PROSER1: variants seen among roughly 807,000 people sequenced by gnomAD.
The protein encoded by PROSER1 is proline and serine rich 1.
In PROSER1, 36 loss-of-function variants were observed where a neutral mutation model predicts 71.8. The observed-to-expected ratio is 0.50, with a 90% CI of 0.38 to 0.66. The LOEUF (loss-of-function observed/expected upper bound fraction) is 0.66. Among genes scored for constraint, PROSER1 ranks in the 30% least tolerant of loss-of-function variants. The pLI is 0.00. For synonymous variants in PROSER1, 490 were observed against 452.4 expected, an observed-to-expected ratio of 1.08 and a Z score of -1.06; for missense variants, 1,107 against 1,135.0, an observed-to-expected ratio of 0.98 and a Z score of 0.35.
rs976435138 is a variant in PROSER1, at chr13:39,026,460, G to C, written c.370-73C>G. 2.5e-5 allele frequency: 22 copies of C among 884,464 alleles called. No individual in the cohort carries two copies. In the South Asian group the frequency reaches 3.4e-4, roughly 14 times the overall value. 54.8% of individuals were successfully genotyped at this position (884,464 alleles called of 1,614,324 possible). A position where few individuals can be genotyped will look rare whatever the true frequency, so the allele number is the denominator to read the frequency against. ...AAGTATTCTGAACATTGGGAGCTCA[G>C]CTAAAAAAAACATGAATTAAAGAAC... On this transcript the variant is annotated intron_variant, in intron 5 of 12. Coordinates refer to ENST00000352251, the MANE Select transcript of PROSER1 (RefSeq NM_025138.5).
chr13:39,026,605 AAC>A lies in PROSER1; in HGVS notation c.370-220_370-219del, dbSNP rs1870556586. ...AAAATGGTTAACATAATAATGCTGC[AAC>A]AGACTCATACAAAGAATGTCTTCAC... On this transcript the variant is annotated intron_variant, in intron 5 of 12. Transcript: ENST00000352251. 8 of 438,432 alleles carry A rather than the reference AAC, an allele frequency of 1.8e-5. No homozygotes were observed. The South Asian group carries it at 4.1e-4, about 23-fold the overall frequency. The allele number at this position is 438,432 out of a possible 1,614,324, so 27.2% of individuals were successfully genotyped here. A position where few individuals can be genotyped will look rare whatever the true frequency, so the allele number is the denominator to read the frequency against.
At chr13:39,029,944 A>G (rs186395278) in intron 3 of PROSER1, among the ~76,000 whole-genome samples, 5 of 152,376 alleles carry the variant, frequency 3.3e-5, no homozygotes, top group Admixed American at 1.3e-4. Flanking sequence ...GGAATGTTAC[A>G]TAATTATTTG....
chr13:39,018,498 ACACACAC>A (rs1870122384), intron 9 of PROSER1, among the ~76,000 whole-genome samples: 2 of 151,528 alleles, frequency 1.3e-5, no homozygotes, highest in African/African-American at 4.9e-5. Context: ...ACACACACAC[ACACACAC>A]ACACACACAC....
intron 2 of PROSER1, among the ~76,000 whole-genome samples, chr13:39,033,608 TA>T (rs1405553432): frequency 6.6e-6 from 1 of 152,226 alleles, no homozygotes; most frequent in Admixed American, 6.5e-5. Flanking sequence ...AAACTGCCCC[TA>T]AGGTGGAATG....
chr13:39,025,193 TTAAG>T (rs1223992477), intron 6 of PROSER1, among the ~76,000 whole-genome samples: 1 of 152,144 alleles, frequency 6.6e-6, no homozygotes, highest in Admixed American at 6.5e-5. Context: ...TCTATAAAGA[TTAAG>T]TGTGATTATT....
At position 39,028,294 on chromosome 13, in the gene PROSER1, C is replaced by T. The variant is rs372779033; in HGVS notation, c.302G>A (p.Arg101His). The T allele has an allele frequency of 1.0e-5, 16 of 1,597,962 alleles. No individual in the cohort carries two copies. Among genetic ancestry groups the T allele is most frequent in the South Asian group, 4.4e-5 (4 of 90,540 alleles). The change falls in exon 5 of 13, where the codon CGT (arginine) becomes CAT (histidine). Residue 101 changes from arginine to histidine, a missense_variant. Coordinates refer to ENST00000352251, the MANE Select transcript of PROSER1 (RefSeq NM_025138.5). ...TACCCTGAATAAATCTTCAATAGGACGAGAATTCTGTGCATCAATAATGTT... is the reference window on the plus strand; with the variant it reads ...TACCCTGAATAAATCTTCAATAGGATGAGAATTCTGTGCATCAATAATGTT... ...ASNIIDAQNS[R>H]PIEDLFRVNM...
Position 39,022,324 on chromosome 13 carries a change from A to G in PROSER1, c.730+2T>C. On this transcript the variant is annotated splice_donor_variant, in intron 9 of 12. Transcript: ENST00000352251. LOFTEE classifies it high-confidence loss of function. ...CTTAAACACCCCCAAATAACATTTT[A>G]CCTGTTCCTACAGGATTAGGAGTAT... The G allele has an allele frequency of 6.3e-7, 1 of 1,593,054 alleles. No homozygotes were observed. The highest frequency in any genetic ancestry group is 8.6e-7 in the Non-Finnish European group (1 of 1,160,948).
At position 39,012,771 on chromosome 13, in the gene PROSER1, G is replaced by C. The variant is rs1048693937; in HGVS notation, c.2481C>G (p.Ala827=). The change falls in exon 11 of 13, where the codon GCC becomes GCG. Residue 827 remains alanine, a synonymous_variant. Transcript: ENST00000352251. ...AVTPLPVAAT[A]PSPAPVLPGF... The stretch of plus-strand genomic sequence containing the variant: ...CTGGGAGGACTGGAGCTGGGGATGG[G>C]GCTGTGGCAGCCACAGGTAGTGGTG... 21 of 1,614,078 alleles carry C rather than the reference G, an allele frequency of 1.3e-5. No homozygotes were observed. The highest frequency in any genetic ancestry group is 1.8e-5 in the Non-Finnish European group (21 of 1,179,978).
In PROSER1 at chr13:39,012,217, G is replaced by T. The variant is rs1167694750; in HGVS notation, c.2578C>A (p.Gln860Lys). ...VAQAGLSSGL[Q>K]AAGSSVFPGL... ...GGAAAAACAGAACTGCCTGCAGCTT[G>T]AAGTCCAGATGATAAACTAAAACAA... Residue 860 changes from glutamine to lysine, a missense_variant, in exon 12 of 13, where the codon CAA becomes AAA. Coordinates refer to ENST00000352251, the MANE Select transcript of PROSER1 (RefSeq NM_025138.5). 6.2e-7 allele frequency: 1 copy of T among 1,613,974 alleles called. No homozygotes were observed. Among genetic ancestry groups the T allele is most frequent in the Non-Finnish European group, 8.5e-7 (1 of 1,179,986 alleles).
At chr13:39,028,175 A>G (rs1870633664) in intron 5 of PROSER1, 52 bp downstream of exon 5, 2 of 976,040 alleles carry the variant, frequency 2.0e-6, no homozygotes, top group Non-Finnish European at 3.3e-6. Context: ...TTTCGTCTTC[A>G]ATATTCGGAA....
At chr13:39,032,661 T>C (rs138304450) in intron 2 of PROSER1, among the ~76,000 whole-genome samples, 122 of 152,306 alleles carry the variant, frequency 8.0e-4, no homozygotes, top group Middle Eastern at 6.8e-3. Context: ...GATAAACGTC[T>C]ATGTCCTTAA....
Position 39,024,561 on chromosome 13 carries a change from TAAAAAA to T in PROSER1, c.481-11_481-6del. Reference sequence around the variant, plus strand: ...ATCTTTTTTCAAAGGAGTTCCCTATTAAAAAAAAAAAAAAAAGGTAATTGAAACTTA... The same window carrying T: ...ATCTTTTTTCAAAGGAGTTCCCTATTAAAAAAAAAAGGTAATTGAAACTTA... On this transcript the variant is annotated splice_region_variant and splice_polypyrimidine_tract_variant and intron_variant, in intron 6 of 12. Coordinates refer to ENST00000352251, the MANE Select transcript of PROSER1 (RefSeq NM_025138.5). 7.9e-7 allele frequency: 1 copy of T among 1,269,734 alleles called. No homozygotes were observed. Among genetic ancestry groups the T allele is most frequent in the East Asian group, 2.6e-5 (1 of 37,942 alleles). The allele number at this position is 1,269,734 out of a possible 1,614,324, so 78.7% of individuals were successfully genotyped here.
At chr13:39,031,352 A>C (rs546972552) in intron 3 of PROSER1, among the ~76,000 whole-genome samples, 1 of 152,378 alleles carries the variant, frequency 6.6e-6, no homozygotes, top group Non-Finnish European at 1.5e-5. Flanking sequence ...TTTTCTTCTA[A>C]CTTGCCAATC....
chr13:39,013,144 AAAG>A lies in PROSER1; in HGVS notation c.2105_2107del (p.Ser702del), dbSNP rs773236362. 6.2e-7 allele frequency: 1 copy of A among 1,614,038 alleles called. No individual in the cohort carries two copies. On this transcript the variant is annotated inframe_deletion, in exon 11 of 13. Coordinates refer to ENST00000352251, the MANE Select transcript of PROSER1 (RefSeq NM_025138.5). ...GCCAGTTAAAGGAAAATTGTTGGTCAAAGAAGTAAAAGAAGGAAGAGCAGTGAA... is the reference window on the plus strand; with the variant it reads ...GCCAGTTAAAGGAAAATTGTTGGTCAAAGTAAAAGAAGGAAGAGCAGTGAA...
In PROSER1 at chr13:39,013,780, G is replaced by A. The variant is rs1354170761; in HGVS notation, c.1472C>T (p.Ser491Phe). The A allele has an allele frequency of 1.9e-6, 3 of 1,614,194 alleles. No homozygotes were observed. The highest frequency in any genetic ancestry group is 2.2e-5 in the South Asian group (2 of 91,090). ...TNLINSSALS[S>F]AVTSGLASLS... is the part of the protein sequence containing the mutation. ...TGAAGCCAGCCCACTTGTGACAGCA[G>A]AGGATAAAGCAGAGGAGTTGATTAA... is the stretch of plus-strand genomic sequence containing the variant. The change falls in exon 11 of 13, where the codon TCT becomes TTT. Residue 491 changes from serine to phenylalanine, a missense_variant. Ser to Phe is a radical substitution (Grantham distance 155). Coordinates refer to ENST00000352251, the MANE Select transcript of PROSER1 (RefSeq NM_025138.5).
rs1385437617 is a variant in PROSER1, at chr13:39,037,380, G to A, written c.-138C>T. On this transcript the variant is annotated 5_prime_UTR_variant, in exon 1 of 13. Coordinates refer to ENST00000352251, the MANE Select transcript of PROSER1 (RefSeq NM_025138.5). ...CTCCACGAGCAAGAGAGGATGCGAA[G>A]AGGTAGAGAGTATTGCAAACTTCGC... 2.6e-5 allele frequency: 18 copies of A among 681,218 alleles called. No individual in the cohort carries two copies. Among genetic ancestry groups the A allele is most frequent in the Middle Eastern group, 2.4e-4 (1 of 4,106 alleles). 42.2% of individuals were successfully genotyped at this position (681,218 alleles called of 1,614,324 possible). A position where few individuals can be genotyped will look rare whatever the true frequency, so the allele number is the denominator to read the frequency against.
intron 1 of PROSER1, among the ~76,000 whole-genome samples, chr13:39,035,933 G>A (rs546207966): frequency 2.0e-5 from 3 of 152,276 alleles, no homozygotes; most frequent in Middle Eastern, 3.4e-3. Context: ...GACTTAAGTT[G>A]CCATCTCATG....
At position 39,011,434 on chromosome 13, in the gene PROSER1, A is replaced by G. The variant is rs757882835; in HGVS notation, c.2766T>C (p.Pro922=). ...ESYPAQPDGF[P]SYPSAPGTPF... ...GTGTTCCTGGCGCTGAAGGATAACT[A>G]GGAAACCCATCAGGCTGAGCTGGAT... is the stretch of plus-strand genomic sequence containing the variant. The change falls in exon 13 of 13, where the codon CCT becomes CCC. Residue 922 remains proline, a synonymous_variant. Coordinates refer to ENST00000352251, the MANE Select transcript of PROSER1 (RefSeq NM_025138.5). 2.5e-6 allele frequency: 4 copies of G among 1,614,070 alleles called. No homozygotes were observed. The highest frequency in any genetic ancestry group is 3.4e-6 in the Non-Finnish European group (4 of 1,179,914).
rs1313586909 is a variant in PROSER1 at position 39,028,271 on chromosome 13, C to G, written c.325G>C (p.Val109Leu). 1.3e-6 allele frequency: 2 copies of G among 1,599,354 alleles called. No individual in the cohort carries two copies. Among genetic ancestry groups the G allele is most frequent in the Non-Finnish European group, 1.7e-6 (2 of 1,167,612 alleles). Residue 109 changes from valine to leucine, a missense_variant, in exon 5 of 13, where the codon GTA (valine) becomes CTA (leucine). Transcript: ENST00000352251. ...NSRPIEDLFR[V>L]NMSEKKRCKR... ...CACCGTTTCTTCTCAGACATATTTA[C>G]CCTGAATAAATCTTCAATAGGACGA...
Sources: allele counts gnomAD v4.1 joint callset (sites outside exome capture counted in the v4.1 genomes callset), GRCh38; gene constraint gnomAD v4.1.1; transcripts MANE v1.5; gene names NCBI Gene and HGNC (gene_info 2026-07-23, HGNC 2026-07-21).